SPRY4: variants seen among roughly 807,000 people sequenced by gnomAD.
The protein encoded by SPRY4 is protein sprouty homolog 4.
Under a neutral mutation model 17.0 loss-of-function variants are expected in SPRY4, and 7 were observed. The observed-to-expected ratio is 0.41, with a 90% CI of 0.23 to 0.77. The LOEUF (loss-of-function observed/expected upper bound fraction) is 0.77, where lower values mean the gene tolerates loss of function less well. Ranked by LOEUF, SPRY4 falls within the 30% of genes least tolerant of loss-of-function variation. SPRY4 has a pLI of 0.32. For missense variants in SPRY4, 435 were observed against 419.9 expected (o/e 1.04, Z -0.31); for synonymous variants, 183 against 174.1 (o/e 1.05, Z -0.40).
At chr5:142,319,797 G>A in intron 1 of SPRY4, 2 of 1,608,934 alleles carry the variant, frequency 1.2e-6, no homozygotes, top group African/African-American at 1.3e-5. Flanking sequence ...CAGGCTGGCT[G>A]AAAAGAATCA....
intron 1 of SPRY4, chr5:142,319,877 C>T (rs1014267113): frequency 1.5e-5 from 20 of 1,332,590 alleles, no homozygotes; most frequent in Non-Finnish European, 1.9e-5. Context: ...CTCCCCTTGA[C>T]TTACCCTAGG....
In SPRY4 at chr5:142,311,594, GTTTT is replaced by G. The variant is rs1471054265; in HGVS notation, c.*2611_*2614del. 1 of 132,886 alleles carries G rather than the reference GTTTT, an allele frequency of 7.5e-6. No homozygotes were observed. Among genetic ancestry groups the G allele is most frequent in the African/African-American group, 2.6e-5 (1 of 37,984 alleles). The allele number at this position is 132,886 out of a possible 1,614,324, so 8.2% of individuals were successfully genotyped here. ...TGTTGTTGTTGTTGTTGTTGTTGTT[GTTTT>G]AATTTTTGCCAAGAAGCTGAGAAAA... On this transcript the variant is annotated 3_prime_UTR_variant, in exon 2 of 2. Transcript: ENST00000434127.
intron 1 of SPRY4, among the ~76,000 whole-genome samples, chr5:142,321,305 G>C (rs1759338244): frequency 6.6e-6 from 1 of 152,234 alleles, no homozygotes; most frequent in South Asian, 2.1e-4. Flanking sequence ...CCCTTGGGAA[G>C]AGTTTATTTT....
At chr5:142,322,254 T>C (rs542235831) in intron 1 of SPRY4, among the ~76,000 whole-genome samples, 28 of 152,186 alleles carry the variant, frequency 1.8e-4, no homozygotes, top group Non-Finnish European at 3.2e-4. Flanking sequence ...CGGCGGATCA[T>C]GAGCTTAGGA....
intron 1 of SPRY4, among the ~76,000 whole-genome samples, chr5:142,322,232 G>C (rs1205797813): frequency 5.9e-5 from 9 of 152,118 alleles, no homozygotes; most frequent in Admixed American, 6.5e-5. Flanking sequence ...TAATCCCAGG[G>C]GAGGCAGAGG....
intron 1 of SPRY4, among the ~76,000 whole-genome samples, chr5:142,316,039 A>G (rs1759139423): frequency 6.6e-6 from 1 of 152,196 alleles, no homozygotes; most frequent in Admixed American, 6.5e-5. Context: ...AAGAGCAGCA[A>G]CCTGCAGTGG....
At chr5:142,323,563 T>C (rs11739526) in intron 1 of SPRY4, among the ~76,000 whole-genome samples, 1 of 152,102 alleles carries the variant, frequency 6.6e-6, no homozygotes, top group East Asian at 1.9e-4. Context: ...AGCAGCTCCC[T>C]ACTCTGCCTA....
chr5:142,316,995 A>G (rs1759174768), intron 1 of SPRY4: 2 of 985,284 alleles, frequency 2.0e-6, no homozygotes, highest in South Asian at 4.7e-5. Flanking sequence ...GCCTGCCCCC[A>G]TGTTCTCTTC....
In SPRY4 at chr5:142,315,085, G is replaced by T; in HGVS notation, c.24C>A (p.Ser8Arg). ...TGACTGAGTTGGGAGTCAAGGGGGC[G>T]CTCTGTGGGATCGGGGGCTCCATGG... The part of the protein sequence containing the change: MEPPIPQ[S>R]APLTPNSVMV... The change falls in exon 2 of 2, where the codon AGC becomes AGA. Residue 8 changes from serine (S) to arginine (R), a missense_variant. Transcript: ENST00000434127. The T allele has an allele frequency of 6.2e-7, 1 of 1,612,484 alleles. No individual in the cohort carries two copies. Among genetic ancestry groups the T allele is most frequent in the Non-Finnish European group, 8.5e-7 (1 of 1,179,940 alleles).
rs571692696 is a variant in SPRY4, at chr5:142,317,179, T to C, written c.-47-2024A>G. On this transcript the variant is annotated intron_variant, in intron 1 of 1. Transcript: ENST00000434127. Reference sequence around the variant, plus strand: ...GCAAGTAAGCATCTATGGAGAGGAGTTTTTCCAAGGATCAGGCTGATGACA... The same window carrying C: ...GCAAGTAAGCATCTATGGAGAGGAGCTTTTCCAAGGATCAGGCTGATGACA... The C allele has an allele frequency of 5.5e-5, 54 of 983,100 alleles. No individual in the cohort carries two copies. In the South Asian group the frequency reaches 2.2e-3, roughly 40 times the overall value. The allele number at this position is 983,100 out of a possible 1,614,324, so 60.9% of individuals were successfully genotyped here.
intron 1 of SPRY4, chr5:142,323,810 C>CT (rs1759432294): frequency 6.6e-6 from 1 of 152,560 alleles, no homozygotes; most frequent in African/African-American, 2.4e-5. Flanking sequence ...CAAGCTCTAG[C>CT]TGCCCTGGCT....
rs1758865161 is a variant in SPRY4 at position 142,310,498 on chromosome 5, A to C, written c.*3711T>G. 6.6e-6 allele frequency: 1 copy of C among 152,518 alleles called. No homozygotes were observed. The highest frequency in any genetic ancestry group is 2.1e-4 in the South Asian group (1 of 4,828). The allele number at this position is 152,518 out of a possible 1,614,324, so 9.4% of individuals were successfully genotyped here. On this transcript the variant is annotated 3_prime_UTR_variant, in exon 2 of 2. Transcript: ENST00000434127. ...TCTAAATCAGTACATTCAGTTTTTA[A>C]CTTGTTTTTTTCTTCACAAACAGAA...
rs1380847159 is a variant in SPRY4 at position 142,312,098 on chromosome 5, CGCAG to C, written c.*2107_*2110del. ...GGGGCCCTGGGAAGTTCTGAGGCCT[CGCAG>C]AAAGCGTGCAGATGTGCACTATCAA... On this transcript the variant is annotated 3_prime_UTR_variant, in exon 2 of 2. Transcript: ENST00000434127. The C allele has an allele frequency of 6.6e-6, 1 of 152,416 alleles. No homozygotes were observed. Among genetic ancestry groups the C allele is most frequent in the East Asian group, 1.9e-4 (1 of 5,168 alleles). 9.4% of individuals were successfully genotyped at this position (152,416 alleles called of 1,614,324 possible).
intron 1 of SPRY4, among the ~76,000 whole-genome samples, chr5:142,320,239 CAAAG>C (rs1421157157): frequency 1.3e-5 from 2 of 152,238 alleles, no homozygotes; most frequent in East Asian, 1.9e-4. Flanking sequence ...CTATACCCTG[CAAAG>C]AAAGACAATC....
chr5:142,323,796 G>A (rs1459545473), intron 1 of SPRY4: 2 of 152,376 alleles, frequency 1.3e-5, no homozygotes, highest in East Asian at 3.8e-4. Context: ...CCCAGTGATG[G>A]AGCCAAGCTC....
intron 1 of SPRY4, among the ~76,000 whole-genome samples, chr5:142,320,272 A>C (rs934227697): frequency 6.6e-6 from 1 of 152,138 alleles, no homozygotes; most frequent in African/African-American, 2.4e-5. Flanking sequence ...GAATGGCCCC[A>C]GTGGAAGAAT....
rs1415190031 is a variant in SPRY4 at position 142,313,577 on chromosome 5, G to A, written c.*632C>T. 1.3e-5 allele frequency: 2 copies of A among 152,312 alleles called. No homozygotes were observed. The highest frequency in any genetic ancestry group is 1.5e-5 in the Non-Finnish European group (1 of 68,264). The allele number at this position is 152,312 out of a possible 1,614,324, so 9.4% of individuals were successfully genotyped here. A position where few individuals can be genotyped will look rare whatever the true frequency, so the allele number is the denominator to read the frequency against. On this transcript the variant is annotated 3_prime_UTR_variant, in exon 2 of 2. Transcript: ENST00000434127. ...TGTGGCTCCGGGGAGGCAGAAGGAG[G>A]AACGAGGCTTGGACTCACTGGCCGT... is the stretch of plus-strand genomic sequence containing the variant.
chr5:142,317,258 T>C (rs1168668240), intron 1 of SPRY4: 1 of 985,310 alleles, frequency 1.0e-6, no homozygotes, highest in African/African-American at 1.7e-5. Context: ...TCTCAATAGG[T>C]GTTCCAAAGC....
rs761662359 is a variant in SPRY4, at chr5:142,314,669, G to A, written c.440C>T (p.Ala147Val). 63 of 1,614,094 alleles carry A rather than the reference G, an allele frequency of 3.9e-5. No homozygotes were observed. Among genetic ancestry groups the A allele is most frequent in the South Asian group, 2.0e-4 (18 of 91,094 alleles). ...HCQPLDLKGP[A>V]VPPELDKHFL... ...GTGCTTGTCCAGCTCGGGTGGGACC[G>A]CCGGGCCCTTGAGGTCCAGCGGCTG... The change falls in exon 2 of 2, where the codon GCG becomes GTG. Residue 147 changes from alanine to valine, a missense_variant. Coordinates refer to ENST00000434127, the MANE Select transcript of SPRY4 (RefSeq NM_001127496.3). This position sits in a 1 kb window ranked among gnomAD's most constrained non-coding sequence, Gnocchi z 4.8.
Sources: gnomAD v4.1 joint callset for allele counts (sites outside exome capture counted in the v4.1 genomes callset) on GRCh38, gnomAD v4.1.1 for gene constraint, Gnocchi (gnomAD v3.1) non-coding constraint, MANE v1.5 for transcripts, NCBI Gene and HGNC (gene_info 2026-07-23, HGNC 2026-07-21) for gene names.